The following GNAQ variants were observed in gnomAD, a reference collection of about 807,000 sequenced individuals.
GNAQ encodes G protein subunit alpha q, also known as guanine nucleotide-binding protein G(q) subunit alpha.
A neutral mutation model predicts 43.9 loss-of-function variants in GNAQ; 8 were observed. The observed-to-expected ratio is 0.18, with a 90% CI of 0.11 to 0.33. The LOEUF is 0.33. Ranked by LOEUF, GNAQ falls within the 10% of genes least tolerant of loss-of-function variation. GNAQ has a pLI of 1.00. For synonymous variants in GNAQ, 155 were observed against 170.7 expected (o/e 0.91, Z 0.71); for missense variants, 158 against 450.8 (o/e 0.35, Z 5.88).
chr9:77,825,792 A>G (rs1827185295), intron 2 of GNAQ, among the ~76,000 whole-genome samples: 1 of 152,220 alleles, frequency 6.6e-6, no homozygotes, highest in Admixed American at 6.5e-5. Flanking sequence ...ATAAATGCTA[A>G]ACAGGCGGGA....
chr9:77,922,079 G>A (rs1239866090), intron 2 of GNAQ, 82 bp downstream of exon 2: 4 of 903,906 alleles, frequency 4.4e-6, no homozygotes, highest in African/African-American at 1.6e-5. Flanking sequence ...CTCCAGACAT[G>A]TCAAGAGGCT....
intron 1 of GNAQ, among the ~76,000 whole-genome samples, chr9:77,972,413 T>C (rs1367543513): frequency 8.7e-6 from 1 of 115,386 alleles, no homozygotes; most frequent in African/African-American, 3.2e-5. Flanking sequence ...CTCATACTGT[T>C]TTTTTTTCCT....
intron 1 of GNAQ, among the ~76,000 whole-genome samples, chr9:78,023,422 TAAGA>T (rs796495607): frequency 2.6e-5 from 4 of 152,244 alleles, no homozygotes; most frequent in African/African-American, 9.6e-5. Context: ...AGCATCTGTT[TAAGA>T]AAGATGTGAT....
rs1824063916 is a variant in GNAQ at position 78,031,639 on chromosome 9, C to A, written c.-404G>T. On this transcript the variant is annotated 5_prime_UTR_variant, in exon 1 of 7. Coordinates refer to ENST00000286548, the MANE Select transcript of GNAQ (RefSeq NM_002072.5). The stretch of plus-strand genomic sequence containing the variant: ...AGGCTCCCCTACGCCGTGCGCCTGG[C>A]GGCGAGAGCTCATTCACCGGGGTGT... Among the ~76,000 whole-genome samples the A allele has an allele frequency of 6.8e-6, 1 of 147,684 alleles. No homozygotes were observed. The highest frequency in any genetic ancestry group is 6.7e-5 in the Admixed American group (1 of 14,896).
At chr9:77,782,392 A>T (rs1433994154) in intron 5 of GNAQ, among the ~76,000 whole-genome samples, 1 of 152,236 alleles carries the variant, frequency 6.6e-6, no homozygotes, top group Non-Finnish European at 1.5e-5. Context: ...AAATATAAAA[A>T]GATGTTCTGT....
chr9:77,784,263 G>A (rs1826440829), intron 5 of GNAQ, among the ~76,000 whole-genome samples: 2 of 151,962 alleles, frequency 1.3e-5, no homozygotes, highest in Non-Finnish European at 2.9e-5. Context: ...ATCACACAGT[G>A]TATACAATTT....
chr9:77,817,489 T>C (rs997068702), intron 2 of GNAQ, among the ~76,000 whole-genome samples: 1 of 152,226 alleles, frequency 6.6e-6, no homozygotes. Context: ...TAACTTCTAA[T>C]TCTGGCTTTA....
Position 77,724,440 on chromosome 9 carries a change from G to A in GNAQ, c.890-2927C>T, listed in dbSNP as rs150234187. On this transcript the variant is annotated intron_variant, in intron 6 of 6. Coordinates refer to ENST00000286548, the MANE Select transcript of GNAQ (RefSeq NM_002072.5). ...TTCAACTCCTGGCCTCAAGGGATCC[G>A]CCCACCTTGGCCTCCCAAAGTGCTG... Among the ~76,000 whole-genome samples, 154 of 152,108 alleles carry A rather than the reference G, an allele frequency of 1.0e-3. 1 individual carries two copies. Among genetic ancestry groups the A allele is most frequent in the Non-Finnish European group, 1.9e-3 (126 of 67,974 alleles).
intron 2 of GNAQ, among the ~76,000 whole-genome samples, chr9:77,859,952 ACTT>A (rs1222366752): frequency 1.3e-5 from 2 of 152,176 alleles, no homozygotes; most frequent in Non-Finnish European, 2.9e-5. Context: ...AAAATGTTTA[ACTT>A]CTTCTTAGGC....
At chr9:77,869,383 A>G (rs1043870634) in intron 2 of GNAQ, among the ~76,000 whole-genome samples, 3 of 152,234 alleles carry the variant, frequency 2.0e-5, no homozygotes, top group Non-Finnish European at 4.4e-5. Context: ...GATGAAATTA[A>G]TAAGTCACGG....
chr9:77,947,794 G>A (rs898621501), intron 1 of GNAQ, among the ~76,000 whole-genome samples: 49 of 152,268 alleles, frequency 3.2e-4, no homozygotes, highest in South Asian at 2.1e-4. Context: ...TCTAACCAGG[G>A]GCCAGATGAT....
chr9:77,761,421 G>A lies in GNAQ; in HGVS notation c.736-32754C>T, dbSNP rs1481740086. 1.4e-3 allele frequency among the ~76,000 whole-genome samples: 198 copies of A among 138,576 alleles called. 1 individual carries two copies. The highest frequency in any genetic ancestry group is 4.8e-3 in the African/African-American group (175 of 36,616). The allele number at this position is 138,576 out of a possible 152,430, so 90.9% of individuals were successfully genotyped here. On this transcript the variant is annotated intron_variant, in intron 5 of 6. Coordinates refer to ENST00000286548, the MANE Select transcript of GNAQ (RefSeq NM_002072.5). Reference sequence around the variant, plus strand: ...TGGGAAGTGAGGAGCCCCTCTGCCCGGCCAGCCGCCCCTTCCGGGAGGGAG... The same window carrying A: ...TGGGAAGTGAGGAGCCCCTCTGCCCAGCCAGCCGCCCCTTCCGGGAGGGAG...
chr9:77,853,012 C>T (rs1418334783), intron 2 of GNAQ, among the ~76,000 whole-genome samples: 1 of 152,172 alleles, frequency 6.6e-6, no homozygotes, highest in African/African-American at 2.4e-5. Context: ...GAGAAAAGAA[C>T]ATACATTTTT....
intron 5 of GNAQ, among the ~76,000 whole-genome samples, chr9:77,789,022 C>T (rs557487852): frequency 6.6e-6 from 1 of 152,262 alleles, no homozygotes; most frequent in South Asian, 2.1e-4. Context: ...GTGACTCTTG[C>T]AATAGGCCGT....
intron 1 of GNAQ, among the ~76,000 whole-genome samples, chr9:78,010,728 G>A (rs10512065): frequency 0.089 from 13,569 of 151,902 alleles, 816 homozygotes; most frequent in East Asian, 0.22. Flanking sequence ...TAATAGCAAC[G>A]GACCTATCAA....
At chr9:77,897,878 C>CTAT (rs1828528516) in intron 2 of GNAQ, among the ~76,000 whole-genome samples, 2 of 146,526 alleles carry the variant, frequency 1.4e-5, no homozygotes, top group Non-Finnish European at 3.0e-5. Flanking sequence ...TCAGAAATTA[C>CTAT]TATTATCAAC....
At chr9:77,980,921 A>C (rs1355801569) in intron 1 of GNAQ, among the ~76,000 whole-genome samples, 1 of 152,212 alleles carries the variant, frequency 6.6e-6, no homozygotes, top group Non-Finnish European at 1.5e-5. Context: ...CTGGAATCTA[A>C]ACAGGCTCTT....
chr9:78,030,919 GTC>G (rs1169931680), intron 1 of GNAQ, among the ~76,000 whole-genome samples, 179 bp downstream of exon 1: 183 of 146,422 alleles, frequency 1.2e-3, no homozygotes, highest in African/African-American at 3.3e-3. Context: ...GTGTGTGTGT[GTC>G]TGTGTGTAAC....
chr9:77,901,498 A>G (rs1020649843), intron 2 of GNAQ, among the ~76,000 whole-genome samples: 3 of 152,192 alleles, frequency 2.0e-5, no homozygotes, highest in African/African-American at 4.8e-5. Flanking sequence ...CAGTACAGAT[A>G]CCATCACCTG....
Sources: allele counts gnomAD v4.1 joint callset (sites outside exome capture counted in the v4.1 genomes callset), GRCh38; gene constraint gnomAD v4.1.1; transcripts MANE v1.5; gene names NCBI Gene and HGNC (gene_info 2026-07-23, HGNC 2026-07-21).